The following NDST3 variants were observed in gnomAD, a reference collection of about 807,000 sequenced individuals.
NDST3 encodes the protein N-deacetylase and N-sulfotransferase 3.
Under a neutral mutation model 96.1 loss-of-function variants are expected in NDST3, and 58 were observed. The observed-to-expected ratio is 0.60, with a 90% confidence interval of 0.49 to 0.75. The LOEUF is 0.75. Ranked by LOEUF, NDST3 falls within the 30% of genes least tolerant of loss-of-function variation. The pLI is 0.00. For missense variants in NDST3, 788 were observed against 1,034.2 expected, an observed-to-expected ratio of 0.76 and a Z score of 3.27; for synonymous variants, 333 against 359.7, an observed-to-expected ratio of 0.93 and a Z score of 0.84.
intron 8 of NDST3, among the ~76,000 whole-genome samples, chr4:118,231,290 C>G (rs1398705707): frequency 6.6e-6 from 1 of 151,316 alleles, no homozygotes; most frequent in East Asian, 2.0e-4. Context: ...GAGCCCAGAT[C>G]GTGCCACTGC....
At chr4:118,041,545 T>C (rs913280013) in intron 1 of NDST3, among the ~76,000 whole-genome samples, 1 of 152,232 alleles carries the variant, frequency 6.6e-6, no homozygotes, top group African/African-American at 2.4e-5. Context: ...TCAGTCAGCA[T>C]AGTCCTCATC....
chr4:118,237,374 T>C (rs111761737), intron 10 of NDST3, among the ~76,000 whole-genome samples, 154 bp downstream of exon 10: 5,949 of 152,336 alleles, frequency 0.039, 177 homozygotes, highest in African/African-American at 0.085. Flanking sequence ...TCTTGATTTC[T>C]ATTGAGAAAT....
intron 1 of NDST3, among the ~76,000 whole-genome samples, chr4:118,050,567 A>G (rs957810123): frequency 6.6e-6 from 1 of 152,106 alleles, no homozygotes; most frequent in Non-Finnish European, 1.5e-5. Flanking sequence ...GTGTTCCTAT[A>G]CATATATCAA....
intron 6 of NDST3, among the ~76,000 whole-genome samples, chr4:118,172,004 T>C (rs1735985682): frequency 6.6e-6 from 1 of 152,150 alleles, no homozygotes; most frequent in Non-Finnish European, 1.5e-5. Context: ...AAAATGTCAA[T>C]AACACTACAA....
intron 2 of NDST3, among the ~76,000 whole-genome samples, chr4:118,078,546 C>T (rs1049307467): frequency 1.3e-5 from 2 of 152,062 alleles, no homozygotes; most frequent in Non-Finnish European, 2.9e-5. Context: ...GGGTCAGGAG[C>T]TCGAGACCAG....
rs1354130369 is a variant in NDST3, at chr4:118,153,023, AC to A, written c.1539+9341del. ...TCTAAACTATGACTGAGCAACGGCT[AC>A]CTGAGAACCATCCTTCCAGCAAAGG... On this transcript the variant is annotated intron_variant, in intron 6 of 13. Coordinates refer to ENST00000296499, the MANE Select transcript of NDST3 (RefSeq NM_004784.3). 1.1e-4 allele frequency among the ~76,000 whole-genome samples: 16 copies of A among 152,316 alleles called. No homozygotes were observed. In the East Asian group the frequency reaches 3.1e-3, roughly 29 times the overall value.
chr4:118,126,922 A>T (rs1732144779), intron 4 of NDST3, among the ~76,000 whole-genome samples: 4 of 151,894 alleles, frequency 2.6e-5, no homozygotes, highest in Admixed American at 1.3e-4. Context: ...TATAGTTTTG[A>T]TTTGCATTTC....
intron 6 of NDST3, among the ~76,000 whole-genome samples, chr4:118,171,433 G>A (rs1735943715): frequency 6.6e-6 from 1 of 152,158 alleles, no homozygotes; most frequent in African/African-American, 2.4e-5. Context: ...CTGAGATTTA[G>A]ATTGCTGAGG....
chr4:118,153,748 C>T (rs559125819), intron 6 of NDST3, among the ~76,000 whole-genome samples: 17 of 151,996 alleles, frequency 1.1e-4, no homozygotes, highest in Middle Eastern at 3.5e-3. Flanking sequence ...TGCTTGAACC[C>T]GGGAGGCGGA....
chr4:118,046,723 C>T (rs1467759575), intron 1 of NDST3, among the ~76,000 whole-genome samples: 3 of 152,280 alleles, frequency 2.0e-5, no homozygotes, highest in South Asian at 4.1e-4. Flanking sequence ...GCAGCAGCCA[C>T]CTCAGGAATG....
intron 2 of NDST3, among the ~76,000 whole-genome samples, chr4:118,064,088 A>G (rs1174271265): frequency 6.6e-6 from 1 of 152,172 alleles, no homozygotes; most frequent in Non-Finnish European, 1.5e-5. Context: ...TAAATTTTGG[A>G]TGAATTAGAG....
chr4:118,240,150 T>C (rs915264253), intron 10 of NDST3, among the ~76,000 whole-genome samples: 2 of 151,868 alleles, frequency 1.3e-5, no homozygotes, highest in East Asian at 1.9e-4. Flanking sequence ...TTCTCTATTA[T>C]AGATATTCAC....
At chr4:118,249,701 G>C (rs1348628805) in intron 12 of NDST3, among the ~76,000 whole-genome samples, 1 of 149,738 alleles carries the variant, frequency 6.7e-6, no homozygotes. Flanking sequence ...AATTCTACAA[G>C]ATTAACTACA....
At chr4:118,251,894 T>A (rs1741767705) in intron 12 of NDST3, among the ~76,000 whole-genome samples, 2 of 152,192 alleles carry the variant, frequency 1.3e-5, no homozygotes, top group Admixed American at 1.3e-4. Context: ...GACTTGGTAT[T>A]TTAAAAGTAT....
chr4:118,228,272 GCAA>G (rs1269461122), intron 8 of NDST3, among the ~76,000 whole-genome samples: 5 of 152,038 alleles, frequency 3.3e-5, no homozygotes, highest in African/African-American at 1.2e-4. Flanking sequence ...AAGTCAAAAG[GCAA>G]CTAGGAAAAC....
intron 4 of NDST3, among the ~76,000 whole-genome samples, chr4:118,116,490 T>C (rs1396235052): frequency 2.6e-5 from 4 of 152,176 alleles, no homozygotes; most frequent in Non-Finnish European, 4.4e-5. Context: ...TAGAAATTAC[T>C]TGAACGAATC....
chr4:118,247,883 T>C (rs746597003), intron 12 of NDST3, among the ~76,000 whole-genome samples: 10 of 152,202 alleles, frequency 6.6e-5, no homozygotes, highest in Non-Finnish European at 1.0e-4. Flanking sequence ...ATCTAAATGA[T>C]GGTATTTTGA....
intron 6 of NDST3, among the ~76,000 whole-genome samples, chr4:118,148,694 A>G (rs1299506192): frequency 6.6e-6 from 1 of 152,220 alleles, no homozygotes; most frequent in Non-Finnish European, 1.5e-5. Context: ...AAATTGAAAA[A>G]AAATACTGTA....
Position 118,144,715 on chromosome 4 carries a change from A to C in NDST3, c.1539+1031A>C, listed in dbSNP as rs551192162. On this transcript the variant is annotated intron_variant, in intron 6 of 13. Coordinates refer to ENST00000296499, the MANE Select transcript of NDST3 (RefSeq NM_004784.3). ...TTGCCCTTGGCATTGGCAATATTCA[A>C]GATGGAAAAAAAATTATTATTTCCA... 3.4e-5 allele frequency among the ~76,000 whole-genome samples: 5 copies of C among 148,002 alleles called. No homozygotes were observed. The South Asian group carries it at 1.1e-3, about 33-fold the overall frequency.
Sources: allele counts gnomAD v4.1 joint callset (sites outside exome capture counted in the v4.1 genomes callset), GRCh38; gene constraint gnomAD v4.1.1; transcripts MANE v1.5; gene names NCBI Gene and HGNC (gene_info 2026-07-23, HGNC 2026-07-21).